Variants in SUMF1 observed in about 807,000 individuals in gnomAD.
SUMF1 encodes sulfatase modifying factor 1, also known as formylglycine-generating enzyme.
Under a neutral mutation model 47.6 loss-of-function variants are expected in SUMF1, and 48 were observed. The ratio of observed to expected loss-of-function variants is 1.01; its 90% CI spans 0.80 to 1.28. SUMF1 has a LOEUF of 1.28. SUMF1 is among the 50% of genes most tolerant of loss of function. The pLI, the probability that SUMF1 is intolerant of heterozygous loss-of-function variation, is 0.00. For missense variants in SUMF1, 571 were observed against 485.4 expected (o/e 1.18, Z -1.66); for synonymous variants, 230 against 192.1 (o/e 1.20, Z -1.63).
intron 8 of SUMF1, among the ~76,000 whole-genome samples, chr3:4,141,395 C>A (rs1346241322): frequency 6.6e-6 from 1 of 152,028 alleles, no homozygotes; most frequent in African/African-American, 2.4e-5. Flanking sequence ...AGAAATGCAA[C>A]CTAGGTTATA....
intron 1 of SUMF1, among the ~76,000 whole-genome samples, chr3:4,463,505 C>T (rs1251409350): frequency 6.6e-6 from 1 of 151,856 alleles, no homozygotes; most frequent in East Asian, 1.9e-4. Context: ...CAAAACAAAA[C>T]AAAACAAAAA....
chr3:4,253,001 G>C (rs1192251725), intron 8 of SUMF1, among the ~76,000 whole-genome samples: 2 of 152,194 alleles, frequency 1.3e-5, no homozygotes, highest in Non-Finnish European at 2.9e-5. Flanking sequence ...TTTCAATGCA[G>C]TTTATCACCA....
At chr3:4,461,751 T>C (rs964552528) in intron 1 of SUMF1, among the ~76,000 whole-genome samples, 1 of 152,196 alleles carries the variant, frequency 6.6e-6, no homozygotes, top group Non-Finnish European at 1.5e-5. Context: ...TAATTTCTCA[T>C]TTATACTAAT....
chr3:4,196,566 G>C (rs1261605938), intron 8 of SUMF1, among the ~76,000 whole-genome samples: 1 of 152,120 alleles, frequency 6.6e-6, no homozygotes, highest in African/African-American at 2.4e-5. Context: ...AGAGGCCTTG[G>C]CTGAGGCACT....
In SUMF1 at chr3:4,452,710, A is replaced by G. The variant is rs531053771; in HGVS notation, c.444+166T>C. On this transcript the variant is annotated intron_variant, in intron 2 of 8. Transcript: ENST00000272902. The stretch of plus-strand genomic sequence containing the variant: ...TGCCACCTGAAAAATAACCTGCCTC[A>G]TGGGGTTGCTGTGAGAAATTAAGAT... 2.0e-5 allele frequency among the ~76,000 whole-genome samples: 3 copies of G among 152,352 alleles called. No homozygotes were observed. The East Asian group carries it at 5.8e-4, about 29-fold the overall frequency.
chr3:4,051,615 G>C (rs1695112509), intron 9 of SUMF1, among the ~76,000 whole-genome samples: 1 of 152,088 alleles, frequency 6.6e-6, no homozygotes, highest in Admixed American at 6.6e-5. Context: ...GAGAGAGAAG[G>C]CTCCCACTTT....
In SUMF1 at chr3:4,133,957, C is replaced by T. The variant is rs534820819; in HGVS notation, c.1015-65212G>A. On this transcript the variant is annotated intron_variant and NMD_transcript_variant, in intron 8 of 12. Transcript: ENST00000448413. ...GGGCAGACTGACGAATCTGGGGATA[C>T]TCAGCTCCTAAATTCCAATGACTCT... Among the ~76,000 whole-genome samples the T allele has an allele frequency of 2.0e-5, 3 of 152,102 alleles. No homozygotes were observed. The South Asian group carries it at 6.2e-4, about 32-fold the overall frequency.
chr3:4,287,858 G>T (rs899142581), intron 8 of SUMF1, among the ~76,000 whole-genome samples: 6 of 152,182 alleles, frequency 3.9e-5, no homozygotes, highest in Admixed American at 2.6e-4. Flanking sequence ...ACCAAGCAAA[G>T]CTTAAAGTAA....
chr3:4,442,926 C>G (rs1176807284), intron 3 of SUMF1, among the ~76,000 whole-genome samples: 1 of 148,562 alleles, frequency 6.7e-6, no homozygotes, highest in African/African-American at 2.5e-5. Context: ...TTATGAATAA[C>G]AAATGCAGTC....
intron 8 of SUMF1, among the ~76,000 whole-genome samples, chr3:4,177,005 T>C (rs951146751): frequency 6.6e-6 from 1 of 152,192 alleles, no homozygotes. Context: ...TAAATATATA[T>C]GCACCCAATA....
chr3:4,245,003 A>G (rs1696629942), intron 8 of SUMF1, among the ~76,000 whole-genome samples: 1 of 151,358 alleles, frequency 6.6e-6, no homozygotes. Context: ...TCAATCACTG[A>G]TATCCTTTCT....
intron 8 of SUMF1, among the ~76,000 whole-genome samples, chr3:4,266,489 G>A (rs1269577830): frequency 6.6e-6 from 1 of 152,176 alleles, no homozygotes; most frequent in East Asian, 1.9e-4. Flanking sequence ...TCTCTTTGAA[G>A]CAATTGTGAA....
intron 8 of SUMF1, among the ~76,000 whole-genome samples, chr3:4,168,938 G>C (rs533080904): frequency 6.6e-6 from 1 of 152,096 alleles, no homozygotes; most frequent in African/African-American, 2.4e-5. Flanking sequence ...AATAACCATG[G>C]TAGATATTGT....
intron 8 of SUMF1, among the ~76,000 whole-genome samples, chr3:4,320,506 A>G (rs1433465603): frequency 1.3e-5 from 2 of 152,168 alleles, no homozygotes; most frequent in Non-Finnish European, 1.5e-5. Context: ...GACTCAAAGG[A>G]GGAGGCAGAT....
At chr3:4,211,789 T>C (rs1274322037) in intron 8 of SUMF1, among the ~76,000 whole-genome samples, 6 of 152,138 alleles carry the variant, frequency 3.9e-5, no homozygotes, top group Non-Finnish European at 8.8e-5. Context: ...GTAGGTGGTT[T>C]TATGCTCATA....
At chr3:4,429,017 G>A (rs1236848319) in intron 3 of SUMF1, among the ~76,000 whole-genome samples, 1 of 151,906 alleles carries the variant, frequency 6.6e-6, no homozygotes, top group African/African-American at 2.4e-5. Context: ...TATAATTTCC[G>A]GTCTCCTAAC....
At chr3:4,353,705 G>T (rs781224938) in intron 8 of SUMF1, among the ~76,000 whole-genome samples, 5 of 151,938 alleles carry the variant, frequency 3.3e-5, no homozygotes, top group Non-Finnish European at 7.4e-5. Flanking sequence ...TGACTCACAG[G>T]CCCCCTGAAA....
chr3:4,117,735 G>C (rs17039952), intron 8 of SUMF1, among the ~76,000 whole-genome samples: 12,408 of 152,040 alleles, frequency 0.082, 1,284 homozygotes, highest in African/African-American at 0.21. Context: ...ATCAAAAAAT[G>C]TAACTTAAAC....
chr3:4,054,655 TACTC>T, intron 9 of SUMF1, among the ~76,000 whole-genome samples: 1 of 152,278 alleles, frequency 6.6e-6, no homozygotes, highest in Middle Eastern at 3.4e-3. Context: ...ATTTATGAGA[TACTC>T]ACAGTGTGCT....
Sources: allele counts gnomAD v4.1 joint callset (sites outside exome capture counted in the v4.1 genomes callset), GRCh38; gene constraint gnomAD v4.1.1; transcripts MANE v1.5; gene names NCBI Gene and HGNC (gene_info 2026-07-23, HGNC 2026-07-21).